The following CSMD3 variants were observed in gnomAD, a reference collection of about 807,000 sequenced individuals.
CSMD3 encodes CUB and sushi domain-containing protein 3.
A neutral mutation model predicts 435.2 loss-of-function variants in CSMD3; 177 were observed. That is an observed-to-expected ratio of 0.41 (90% CI 0.36 to 0.46). The LOEUF (loss-of-function observed/expected upper bound fraction) is 0.46. Ranked by LOEUF, CSMD3 falls within the 20% of genes least tolerant of loss-of-function variation. The pLI is 0.34. For missense variants in CSMD3, 4,265 were observed against 4,504.6 expected (o/e 0.95, Z 1.52); for synonymous variants, 1,656 against 1,520.5 (o/e 1.09, Z -2.07).
intron 17 of CSMD3, 47 bp downstream of exon 17, chr8:112,666,230 C>T (rs1410742237): frequency 7.1e-7 from 1 of 1,401,612 alleles, no homozygotes. Context: ...GTCAACTAAT[C>T]TTTTAGATAA....
At chr8:113,230,451 T>G (rs1428061971) in intron 3 of CSMD3, among the ~76,000 whole-genome samples, 1 of 151,646 alleles carries the variant, frequency 6.6e-6, no homozygotes, top group Non-Finnish European at 1.5e-5. Flanking sequence ...AGCTCTTGTC[T>G]AAGCATAGAT....
At chr8:112,402,116 C>T (rs1259860746) in intron 35 of CSMD3, among the ~76,000 whole-genome samples, 1 of 152,094 alleles carries the variant, frequency 6.6e-6, no homozygotes. Flanking sequence ...GGCTTTTAGT[C>T]ATTTAGCCAT....
chr8:112,794,175 G>A (rs1457756510), intron 13 of CSMD3, among the ~76,000 whole-genome samples: 3 of 150,150 alleles, frequency 2.0e-5, no homozygotes, highest in South Asian at 2.1e-4. Flanking sequence ...TTAAAAAAAA[G>A]TTATACCAGT....
At chr8:113,019,977 C>A (rs1024014089) in intron 5 of CSMD3, among the ~76,000 whole-genome samples, 3 of 151,092 alleles carry the variant, frequency 2.0e-5, no homozygotes, top group Admixed American at 1.3e-4. Context: ...TCCTGGCTAA[C>A]AAGGTGAAAC....
intron 10 of CSMD3, among the ~76,000 whole-genome samples, chr8:112,869,451 A>T (rs2081071487): frequency 6.6e-6 from 1 of 152,194 alleles, no homozygotes; most frequent in Non-Finnish European, 1.5e-5. Flanking sequence ...ACAATCTCAT[A>T]GTTAAAACTT....
intron 3 of CSMD3, among the ~76,000 whole-genome samples, chr8:113,203,897 A>T (rs985199068): frequency 3.3e-5 from 5 of 152,090 alleles, no homozygotes; most frequent in Non-Finnish European, 7.4e-5. Context: ...ATAAGTATGC[A>T]TCTATTTTTA....
At chr8:113,031,392 A>T (rs531944909) in intron 5 of CSMD3, among the ~76,000 whole-genome samples, 2 of 151,672 alleles carry the variant, frequency 1.3e-5, no homozygotes, top group African/African-American at 2.4e-5. Flanking sequence ...GAACATTAAG[A>T]GCAAAGGAAA....
chr8:112,552,990 T>A (rs1586668580), intron 25 of CSMD3, among the ~76,000 whole-genome samples: 1 of 152,240 alleles, frequency 6.6e-6, no homozygotes, highest in East Asian at 1.9e-4. Context: ...GAGTTAGGAT[T>A]CCAAACATTT....
intron 32 of CSMD3, among the ~76,000 whole-genome samples, chr8:112,468,798 T>C (rs1178358854): frequency 6.6e-6 from 1 of 152,190 alleles, no homozygotes; most frequent in African/African-American, 2.4e-5. Context: ...GTATTAGTCT[T>C]ATATGTAGAA....
At chr8:112,231,372 T>G (rs921694376) in intron 69 of CSMD3, among the ~76,000 whole-genome samples, 173 bp downstream of exon 69, 9 of 152,190 alleles carry the variant, frequency 5.9e-5, no homozygotes, top group Non-Finnish European at 1.3e-4. Context: ...AAAGATCCAG[T>G]ATTTTGAAGA....
chr8:112,954,795 G>A (rs1366122588), intron 7 of CSMD3, 34 bp from the exon 8 acceptor site: 1 of 1,199,032 alleles, frequency 8.3e-7, no homozygotes, highest in Admixed American at 1.7e-5. Flanking sequence ...CATGTATCAG[G>A]AAATACAATT....
intron 1 of CSMD3, among the ~76,000 whole-genome samples, chr8:113,320,221 T>C (rs2132702767): frequency 6.6e-6 from 1 of 152,184 alleles, no homozygotes; most frequent in East Asian, 1.9e-4. Context: ...CATAGATTCG[T>C]GTTTTACAAT....
chr8:113,200,261 T>A (rs1268500912), intron 3 of CSMD3, among the ~76,000 whole-genome samples: 1 of 151,774 alleles, frequency 6.6e-6, no homozygotes, highest in Non-Finnish European at 1.5e-5. Context: ...ATACTGCACA[T>A]TTGCGCCCTT....
intron 6 of CSMD3, among the ~76,000 whole-genome samples, chr8:113,013,455 C>A (rs928594177): frequency 1.3e-5 from 2 of 152,024 alleles, no homozygotes; most frequent in African/African-American, 2.4e-5. Context: ...TATAAGAAAT[C>A]TTTAGAGAAC....
At chr8:112,453,652 T>C (rs1412877195) in intron 32 of CSMD3, among the ~76,000 whole-genome samples, 1 of 152,126 alleles carries the variant, frequency 6.6e-6, no homozygotes, top group Non-Finnish European at 1.5e-5. Flanking sequence ...GCTCATAGAT[T>C]GGAAGGGTCA....
intron 13 of CSMD3, among the ~76,000 whole-genome samples, chr8:112,722,856 T>A (rs1024182416): frequency 1.3e-5 from 2 of 152,198 alleles, no homozygotes; most frequent in African/African-American, 4.8e-5. Context: ...AGTGGGAGTA[T>A]TAAGATGACT....
Position 112,263,816 on chromosome 8 carries a change from C to A in CSMD3, c.9689-4G>T, listed in dbSNP as rs61753738. On this transcript the variant is annotated splice_polypyrimidine_tract_variant and splice_region_variant and intron_variant, in intron 60 of 70. Coordinates refer to ENST00000297405, the MANE Select transcript of CSMD3 (RefSeq NM_198123.2). ...GGAGGAGTTGGGCAGGTAACAGCTG[C>A]AATTACATTAAAAGTGATTAGACAC... 10,347 of 1,612,824 alleles carry A rather than the reference C, an allele frequency of 6.4e-3. 602 individuals are homozygous for A. The African/African-American group carries it at 0.12, about 19-fold the overall frequency.
chr8:113,307,385 C>A (rs2093829883), intron 2 of CSMD3, among the ~76,000 whole-genome samples: 1 of 152,108 alleles, frequency 6.6e-6, no homozygotes, highest in Non-Finnish European at 1.5e-5. Flanking sequence ...TCCTTCACAT[C>A]TTCAAGAAGA....
intron 3 of CSMD3, among the ~76,000 whole-genome samples, chr8:113,216,237 A>G (rs1221563490): frequency 6.6e-6 from 1 of 151,942 alleles, no homozygotes; most frequent in Non-Finnish European, 1.5e-5. Context: ...TTGTCTAACA[A>G]TGATGCAAAT....
Sources: allele counts gnomAD v4.1 joint callset (sites outside exome capture counted in the v4.1 genomes callset), GRCh38; gene constraint gnomAD v4.1.1; transcripts MANE v1.5; gene names NCBI Gene and HGNC (gene_info 2026-07-23, HGNC 2026-07-21).